The following SEMA3A variants were observed in gnomAD, a reference collection of about 807,000 sequenced individuals.
SEMA3A encodes semaphorin-3A.
Under a neutral mutation model 97.9 loss-of-function variants are expected in SEMA3A, and 29 were observed. The observed-to-expected ratio is 0.30, with a 90% CI of 0.22 to 0.40. The LOEUF (loss-of-function observed/expected upper bound fraction) is 0.40, where lower values mean the gene tolerates loss of function less well. Among genes scored for constraint, SEMA3A ranks in the 10% least tolerant of loss-of-function variants. The pLI is 1.00. For synonymous variants in SEMA3A, 321 were observed against 323.7 expected (o/e 0.99, Z 0.09); for missense variants, 763 against 951.3 (o/e 0.80, Z 2.60).
At chr7:84,456,311 G>A (rs1250377006) in intron 1 of SEMA3A, among the ~76,000 whole-genome samples, 1 of 151,744 alleles carries the variant, frequency 6.6e-6, no homozygotes, top group African/African-American at 2.4e-5. Context: ...GTCTTAATAT[G>A]GTAAAATCTG....
In SEMA3A at chr7:83,963,892, C is replaced by T. The variant is rs528131661; in HGVS notation, c.1718-545G>A. ...GAGTGCAGGAAGTTTATACTATCCA[C>T]CAATAATTCCTAAATAATCTACAAG... On this transcript the variant is annotated intron_variant, in intron 15 of 16. Coordinates refer to ENST00000265362, the MANE Select transcript of SEMA3A (RefSeq NM_006080.3). 2.0e-5 allele frequency among the ~76,000 whole-genome samples: 3 copies of T among 152,218 alleles called. No individual in the cohort carries two copies. In the East Asian group the frequency reaches 5.8e-4, roughly 29 times the overall value.
At chr7:84,325,779 A>G (rs1801761629) in intron 2 of SEMA3A, among the ~76,000 whole-genome samples, 1 of 152,110 alleles carries the variant, frequency 6.6e-6, no homozygotes, top group African/African-American at 2.4e-5. Context: ...ATGTTATTCA[A>G]TATACATATA....
At chr7:84,054,990 T>TG (rs1236508136) in intron 5 of SEMA3A, among the ~76,000 whole-genome samples, 2 of 151,594 alleles carry the variant, frequency 1.3e-5, no homozygotes, top group Non-Finnish European at 3.0e-5. Context: ...GCCCCTGCTG[T>TG]GGGGTGCCTC....
chr7:84,486,996 A>G (rs1301272340), intron 1 of SEMA3A, among the ~76,000 whole-genome samples: 3 of 152,140 alleles, frequency 2.0e-5, no homozygotes, highest in Admixed American at 2.0e-4. Context: ...AATATTAAGT[A>G]ATAAAACAAA....
intron 1 of SEMA3A, among the ~76,000 whole-genome samples, chr7:84,375,363 A>G (rs1459633231): frequency 6.6e-6 from 1 of 152,070 alleles, no homozygotes; most frequent in East Asian, 1.9e-4. Flanking sequence ...GCAAAGTACC[A>G]AGCTCCATTC....
At chr7:84,214,697 CTT>C (rs754365106) in intron 3 of SEMA3A, among the ~76,000 whole-genome samples, 26 of 130,952 alleles carry the variant, frequency 2.0e-4, no homozygotes, top group South Asian at 5.0e-4. Context: ...TTAGAGCTTA[CTT>C]TTTTTTTTTT....
At chr7:84,404,912 A>G (rs912171402) in intron 1 of SEMA3A, among the ~76,000 whole-genome samples, 20 of 152,202 alleles carry the variant, frequency 1.3e-4, no homozygotes, top group African/African-American at 4.8e-4. Context: ...CATGGAAAGG[A>G]ACAACTGGTA....
chr7:84,195,024 A>AGAGAGAGAGAG (rs1798179833), upstream of SEMA3A: 2 of 140,652 alleles, frequency 1.4e-5, no homozygotes, highest in African/African-American at 5.4e-5. Context: ...GAGAGAGAGA[A>AGAGAGAGAGAG]AGAGAGAGAG....
intron 3 of SEMA3A, among the ~76,000 whole-genome samples, chr7:84,125,146 C>T (rs945820502): frequency 2.0e-5 from 3 of 151,992 alleles, no homozygotes; most frequent in African/African-American, 7.2e-5. Flanking sequence ...TGAAGAAATA[C>T]CAAAGCACAA....
At position 83,961,252 on chromosome 7, in the gene SEMA3A, C is replaced by T. The variant is rs1441932203; in HGVS notation, c.*119G>A. The T allele has an allele frequency of 2.5e-6, 2 of 802,780 alleles. No individual in the cohort carries two copies. Among genetic ancestry groups the T allele is most frequent in the Non-Finnish European group, 4.1e-6 (2 of 484,914 alleles). 49.7% of individuals were successfully genotyped at this position (802,780 alleles called of 1,614,324 possible). A position where few individuals can be genotyped will look rare whatever the true frequency, so the allele number is the denominator to read the frequency against. On this transcript the variant is annotated 3_prime_UTR_variant, in exon 17 of 17. Coordinates refer to ENST00000265362, the MANE Select transcript of SEMA3A (RefSeq NM_006080.3). The stretch of plus-strand genomic sequence containing the variant: ...TAATTGGTGGAACTCAGCTGAATTT[C>T]CCACCATTGTAAACATCCACATAAT...
At chr7:84,166,526 G>C (rs1432694208) in intron 1 of SEMA3A, among the ~76,000 whole-genome samples, 2 of 145,702 alleles carry the variant, frequency 1.4e-5, no homozygotes, top group Non-Finnish European at 3.0e-5. Flanking sequence ...AGCCGAGATT[G>C]TGCCATCTCA....
intron 11 of SEMA3A, 106 bp downstream of exon 11, chr7:84,005,233 C>G (rs1790616988): frequency 1.3e-6 from 1 of 780,984 alleles, no homozygotes; most frequent in East Asian, 2.5e-5. Context: ...GGATTTTCAA[C>G]TGCACAGAGG....
Position 84,390,336 on chromosome 7 carries a change from AT to A in SEMA3A, c.-245-18437del, listed in dbSNP as rs1438808712. ...TTGAAAAAGCTTGTGATATTCAAGA[AT>A]TATTATTATTATTATTATTATTATT... On this transcript the variant is annotated intron_variant, in intron 1 of 3. Coordinates refer to the SEMA3A transcript ENST00000424555. Among the ~76,000 whole-genome samples the A allele has an allele frequency of 1.2e-3, 9 of 7,576 alleles. No individual in the cohort carries two copies. The African/African-American group carries it at 0.026, about 22-fold the overall frequency. The allele number at this position is 7,576 out of a possible 152,430, so 5.0% of individuals were successfully genotyped here.
intron 1 of SEMA3A, among the ~76,000 whole-genome samples, chr7:84,143,950 A>ACACACACACACACACAC (rs1796387775): frequency 1.1e-5 from 1 of 94,654 alleles, no homozygotes; most frequent in African/African-American, 3.5e-5. Context: ...CTCTCTCTCT[A>ACACACACACACACACAC]ACACACACAC....
intron 1 of SEMA3A, among the ~76,000 whole-genome samples, chr7:84,412,875 A>G (rs1425176484): frequency 6.6e-6 from 1 of 152,114 alleles, no homozygotes; most frequent in Non-Finnish European, 1.5e-5. Flanking sequence ...AAGCTGGTAT[A>G]AATTTGGAAA....
At chr7:84,254,402 GA>G (rs1450648380) in intron 3 of SEMA3A, among the ~76,000 whole-genome samples, 1 of 152,192 alleles carries the variant, frequency 6.6e-6, no homozygotes, top group African/African-American at 2.4e-5. Flanking sequence ...TACAGGAAAT[GA>G]TTTGAATGTG....
At chr7:83,997,742 T>C (rs1790276035) in intron 12 of SEMA3A, among the ~76,000 whole-genome samples, 1 of 151,712 alleles carries the variant, frequency 6.6e-6, no homozygotes, top group Non-Finnish European at 1.5e-5. Context: ...AATGAAATTT[T>C]TCTTTTTTTT....
intron 3 of SEMA3A, among the ~76,000 whole-genome samples, chr7:84,284,217 T>A (rs1800525304): frequency 6.6e-6 from 1 of 152,178 alleles, no homozygotes. Context: ...TATGTGTATC[T>A]GTCTCTGAGC....
intron 4 of SEMA3A, among the ~76,000 whole-genome samples, chr7:84,083,426 T>C (rs1794227938): frequency 7.4e-6 from 1 of 135,554 alleles, no homozygotes; most frequent in African/African-American, 3.0e-5. Flanking sequence ...CCTTAGGCAT[T>C]CATCATTTTT....
Sources: gnomAD v4.1 joint callset for allele counts (sites outside exome capture counted in the v4.1 genomes callset) on GRCh38, gnomAD v4.1.1 for gene constraint, MANE v1.5 for transcripts, NCBI Gene and HGNC (gene_info 2026-07-23, HGNC 2026-07-21) for gene names.